Variants in DERA observed in about 807,000 individuals in gnomAD.
DERA encodes the protein 2-deoxy-D-ribose 5-phosphate aldolase.
Under a neutral mutation model 41.1 loss-of-function variants are expected in DERA, and 15 were observed. The observed-to-expected ratio is 0.37, with a 90% CI of 0.24 to 0.56. DERA has a LOEUF of 0.56. DERA is among the 20% of genes least tolerant of loss of function. The probability of loss-of-function intolerance (pLI) is 0.81; values close to 1 mark genes in which losing one functional copy is unlikely to be tolerated. For synonymous variants in DERA, 139 were observed against 137.4 expected (o/e 1.01, Z -0.08); for missense variants, 396 against 403.4 (o/e 0.98, Z 0.16).
At chr12:15,958,838 G>A (rs958820612) in intron 3 of DERA, among the ~76,000 whole-genome samples, 18 of 152,174 alleles carry the variant, frequency 1.2e-4, no homozygotes, top group Non-Finnish European at 2.2e-4. Context: ...ATGAAAAGAA[G>A]GACTTTTCTA....
rs1411311910 is a variant in DERA, at chr12:15,976,438, A to G, written c.509-5870A>G. Among the ~76,000 whole-genome samples the G allele has an allele frequency of 6.6e-6, 1 of 152,094 alleles. No homozygotes were observed. Among genetic ancestry groups the G allele is most frequent in the East Asian group, 1.9e-4 (1 of 5,170 alleles). On this transcript the variant is annotated intron_variant, in intron 5 of 8. Coordinates refer to ENST00000428559, the MANE Select transcript of DERA (RefSeq NM_015954.4). This position sits in a 1 kb window ranked among gnomAD's most constrained non-coding sequence, Gnocchi z 4.1. ...CGCCTCCATCATGTTGCCATGATGT[A>G]GCAACATGCAGGCCAAGAATTTCTC...
At chr12:15,979,047 C>G (rs1284033301) in intron 5 of DERA, among the ~76,000 whole-genome samples, 2 of 152,178 alleles carry the variant, frequency 1.3e-5, no homozygotes, top group Non-Finnish European at 2.9e-5. Context: ...GGGTGTGAAT[C>G]CATATACTCA....
intron 6 of DERA, among the ~76,000 whole-genome samples, chr12:16,005,847 C>G (rs983331125): frequency 6.6e-6 from 1 of 152,134 alleles, no homozygotes; most frequent in African/African-American, 2.4e-5. Flanking sequence ...AGATTATGCT[C>G]TGTGGGAATA....
At chr12:15,958,087 C>A in intron 2 of DERA, 101 bp from the exon 3 acceptor site, 2 of 903,754 alleles carry the variant, frequency 2.2e-6, no homozygotes, top group South Asian at 1.9e-5. Flanking sequence ...GATATTAACA[C>A]CCATACTTGT....
At chr12:16,018,006 A>G (rs914777226) in intron 6 of DERA, among the ~76,000 whole-genome samples, 1 of 152,190 alleles carries the variant, frequency 6.6e-6, no homozygotes, top group African/African-American at 2.4e-5. Flanking sequence ...CCTGTTCACC[A>G]TGGACTCTTT....
At chr12:15,997,932 A>G (rs544243018) in intron 6 of DERA, among the ~76,000 whole-genome samples, 33 of 152,354 alleles carry the variant, frequency 2.2e-4, no homozygotes, top group African/African-American at 7.7e-4. Context: ...TTAGAAAACT[A>G]TAAAGATTAT....
At chr12:15,944,735 T>G (rs1948434186) in intron 1 of DERA, among the ~76,000 whole-genome samples, 1 of 152,222 alleles carries the variant, frequency 6.6e-6, no homozygotes, top group Non-Finnish European at 1.5e-5. Flanking sequence ...TTAGTTTAAT[T>G]AGATCCCATT....
intron 4 of DERA, among the ~76,000 whole-genome samples, chr12:15,960,644 A>AAAC (rs1217191230): frequency 2.7e-5 from 4 of 147,890 alleles, no homozygotes; most frequent in Non-Finnish European, 5.9e-5. Flanking sequence ...CTCAAAAAAA[A>AAAC]AAAAAAAAAA....
chr12:15,926,361 C>T (rs1948283253), intron 1 of DERA, among the ~76,000 whole-genome samples: 2 of 152,120 alleles, frequency 1.3e-5, no homozygotes, highest in African/African-American at 4.8e-5. Flanking sequence ...TTTTCGATTC[C>T]TCCCCTGTGA....
At chr12:15,929,296 G>A (rs1948310398) in intron 1 of DERA, among the ~76,000 whole-genome samples, 1 of 152,228 alleles carries the variant, frequency 6.6e-6, no homozygotes, top group African/African-American at 2.4e-5. Context: ...GTCAAAACCT[G>A]TGTCACTTCT....
In DERA at chr12:16,011,318, T is replaced by C. The variant is rs1424143062; in HGVS notation, c.638-21224T>C. ...TATTTTACAGGTTGAATATCCCTTA[T>C]CTTAAATGCTTGGAACCAGAAGTGT... is the stretch of plus-strand genomic sequence containing the variant. On this transcript the variant is annotated intron_variant, in intron 6 of 8. Coordinates refer to ENST00000428559, the MANE Select transcript of DERA (RefSeq NM_015954.4). The surrounding 1 kb of genome is among the most constrained non-coding windows in gnomAD (Gnocchi z 4.7). Among the ~76,000 whole-genome samples, 1 of 152,208 alleles carries C rather than the reference T, an allele frequency of 6.6e-6. No individual in the cohort carries two copies. The highest frequency in any genetic ancestry group is 1.5e-5 in the Non-Finnish European group (1 of 68,036).
At position 15,911,737 on chromosome 12, in the gene DERA, AAAC is replaced by A. The variant is rs1948165606; in HGVS notation, c.31+327_31+329del. 1 of 614,392 alleles carries A rather than the reference AAAC, an allele frequency of 1.6e-6. No homozygotes were observed. The highest frequency in any genetic ancestry group is 2.1e-5 in the Admixed American group (1 of 47,132). The allele number at this position is 614,392 out of a possible 1,614,324, so 38.1% of individuals were successfully genotyped here. A position where few individuals can be genotyped will look rare whatever the true frequency, so the allele number is the denominator to read the frequency against. ...CAACCCAAAAAACAAAACCCAAAAC[AAAC>A]AACCCCCAAGCAGGTAAAAACAGAT... On this transcript the variant is annotated intron_variant, in intron 1 of 8. Coordinates refer to ENST00000428559, the MANE Select transcript of DERA (RefSeq NM_015954.4). This position sits in a 1 kb window ranked among gnomAD's most constrained non-coding sequence, Gnocchi z 4.5.
At chr12:15,956,188 C>CT (rs1948537085) in intron 1 of DERA, among the ~76,000 whole-genome samples, 1 of 152,164 alleles carries the variant, frequency 6.6e-6, no homozygotes, top group South Asian at 2.1e-4. Flanking sequence ...AATGTTAGCT[C>CT]TGTCTGGGGA....
chr12:16,031,127 G>A (rs900650503), intron 6 of DERA, among the ~76,000 whole-genome samples: 1 of 152,212 alleles, frequency 6.6e-6, no homozygotes, highest in East Asian at 1.9e-4. Flanking sequence ...GTACAAATGA[G>A]GAATGTAAGG....
chr12:15,934,038 A>T (rs762890856), intron 1 of DERA, among the ~76,000 whole-genome samples: 59 of 152,292 alleles, frequency 3.9e-4, no homozygotes, highest in Non-Finnish European at 6.8e-4. Context: ...TACTAGGATA[A>T]AGCACTGTAA....
At chr12:15,949,697 C>T (rs1022434469) in intron 1 of DERA, among the ~76,000 whole-genome samples, 3 of 152,120 alleles carry the variant, frequency 2.0e-5, no homozygotes, top group East Asian at 3.9e-4. Flanking sequence ...GTGGGCTGCA[C>T]CCACTGTCCT....
Position 15,962,866 on chromosome 12 carries a change from A to G in DERA, c.427A>G (p.Ile143Val). The part of the protein sequence containing the change: ...QTHLKTRLEE[I>V]RLAVEDGATE... Reference sequence around the variant, plus strand: ...TCATTTGAAGACACGATTAGAAGAGATCAGATTGGCTGTGGAAGATGGAGC... The same window carrying G: ...TCATTTGAAGACACGATTAGAAGAGGTCAGATTGGCTGTGGAAGATGGAGC... Residue 143 changes from isoleucine to valine, a missense_variant, in exon 5 of 9, where the codon ATC becomes GTC. Physicochemically the swap from Ile to Val is conservative, Grantham distance 29. Transcript: ENST00000428559. 2 of 1,574,164 alleles carry G rather than the reference A, an allele frequency of 1.3e-6. No individual in the cohort carries two copies. The highest frequency in any genetic ancestry group is 8.6e-7 in the Non-Finnish European group (1 of 1,158,246).
rs1466634954 is a variant in DERA, at chr12:15,954,158, C to T, written c.32-2778C>T. On this transcript the variant is annotated intron_variant, in intron 1 of 8. Coordinates refer to ENST00000428559, the MANE Select transcript of DERA (RefSeq NM_015954.4). This position sits in a 1 kb window ranked among gnomAD's most constrained non-coding sequence, Gnocchi z 4.0. ...AAGTTCCCAGGCATCCCATTCATAC[C>T]TCAGTCCCATATTTTCTTGTAGAGA... Among the ~76,000 whole-genome samples the T allele has an allele frequency of 1.3e-5, 2 of 152,154 alleles. No individual in the cohort carries two copies. The highest frequency in any genetic ancestry group is 4.1e-4 in the South Asian group (2 of 4,824).
intron 5 of DERA, among the ~76,000 whole-genome samples, chr12:15,963,630 C>T (rs1252415006): frequency 6.6e-6 from 1 of 152,050 alleles, no homozygotes; most frequent in African/African-American, 2.4e-5. Flanking sequence ...AAGTAAAATT[C>T]TCTTTCAAAA....
Sources: allele counts gnomAD v4.1 joint callset (sites outside exome capture counted in the v4.1 genomes callset), GRCh38; gene constraint gnomAD v4.1.1; non-coding constraint Gnocchi (gnomAD v3.1); transcripts MANE v1.5; gene names NCBI Gene and HGNC (gene_info 2026-07-23, HGNC 2026-07-21).